The following GPR161 variants were observed in gnomAD, a reference collection of about 807,000 sequenced individuals.
GPR161 encodes the protein G protein-coupled receptor 161.
Under a neutral mutation model 39.2 loss-of-function variants are expected in GPR161, and 25 were observed. The ratio of observed to expected loss-of-function variants is 0.64; its 90% CI spans 0.47 to 0.89. The LOEUF is 0.89. Among genes scored for constraint, GPR161 ranks in the 40% least tolerant of loss-of-function variants. The pLI is 0.00. For synonymous variants in GPR161, 286 were observed against 276.6 expected, an observed-to-expected ratio of 1.03 and a Z score of -0.34; for missense variants, 547 against 677.8, an observed-to-expected ratio of 0.81 and a Z score of 2.14.
intron 2 of GPR161, among the ~76,000 whole-genome samples, chr1:168,101,108 CTT>C (rs35663930): frequency 3.5e-3 from 499 of 143,282 alleles, no homozygotes; most frequent in African/African-American, 0.011. Flanking sequence ...CAGCCAGTTT[CTT>C]TTTTTTTTTT....
chr1:168,137,071 C>G, upstream of GPR161: 1 of 1,011,804 alleles, frequency 9.9e-7, no homozygotes, highest in Non-Finnish European at 1.2e-6. Context: ...ACCCGCGCCC[C>G]TTCCTTCGCG....
intron 3 of GPR161, among the ~76,000 whole-genome samples, chr1:168,095,333 A>G (rs1028976266): frequency 8.5e-5 from 13 of 152,384 alleles, no homozygotes; most frequent in Non-Finnish European, 1.2e-4. Flanking sequence ...ATCAAGTTGT[A>G]GTTAATGGCA....
At chr1:168,136,348 GC>G (rs1221678799) in intron 1 of GPR161, 1 of 1,475,008 alleles carries the variant, frequency 6.8e-7, no homozygotes, top group Non-Finnish European at 9.0e-7. Flanking sequence ...GCCCCAGGGG[GC>G]GCGGCCCGCA....
chr1:168,103,888 G>A (rs1022428672), intron 2 of GPR161, among the ~76,000 whole-genome samples: 2 of 152,222 alleles, frequency 1.3e-5, no homozygotes, highest in Non-Finnish European at 2.9e-5. Context: ...TGAAGAACCC[G>A]CGAGATGCTG....
At chr1:168,133,946 GT>G in intron 1 of GPR161, 1 of 886,382 alleles carries the variant, frequency 1.1e-6, no homozygotes, top group Non-Finnish European at 1.4e-6. Flanking sequence ...ATTTACAGTG[GT>G]TATCTCAAAG....
chr1:168,114,233 G>A (rs1430217877), intron 1 of GPR161, among the ~76,000 whole-genome samples: 2 of 152,100 alleles, frequency 1.3e-5, no homozygotes, highest in Admixed American at 1.3e-4. Context: ...ATTTCTCCCT[G>A]ATCATATTGC....
chr1:168,103,427 G>GA (rs373919071), intron 2 of GPR161, among the ~76,000 whole-genome samples: 8,815 of 117,222 alleles, frequency 0.075, 850 homozygotes, highest in African/African-American at 0.24. Flanking sequence ...ACTACTCAGG[G>GA]AAAAAAAAAA....
At chr1:168,102,865 C>G (rs1041210899) in intron 2 of GPR161, among the ~76,000 whole-genome samples, 3 of 149,748 alleles carry the variant, frequency 2.0e-5, no homozygotes, top group African/African-American at 7.3e-5. Context: ...GTTAAAACAA[C>G]AAGATCCCAT....
chr1:168,097,325 G>T (rs1438877794), intron 2 of GPR161, 93 bp from the exon 3 acceptor site: 3 of 1,357,310 alleles, frequency 2.2e-6, no homozygotes, highest in African/African-American at 2.9e-5. Context: ...GACTGGGTTG[G>T]ATGTTTCTAA....
chr1:168,133,940 A>G, intron 1 of GPR161: 1 of 924,642 alleles, frequency 1.1e-6, no homozygotes, highest in Non-Finnish European at 1.3e-6. Flanking sequence ...ACAGACATTT[A>G]CAGTGGTTAT....
At chr1:168,137,041 A>G (rs1188592838), upstream of GPR161, 14 of 138,514 alleles carry the variant, frequency 1.0e-4, no homozygotes, top group Non-Finnish European at 1.5e-4. Flanking sequence ...CGCCCCGCCC[A>G]GCTCCCGGCG....
intron 1 of GPR161, among the ~76,000 whole-genome samples, chr1:168,113,807 A>C (rs1270792594): frequency 1.3e-5 from 2 of 151,700 alleles, no homozygotes; most frequent in African/African-American, 4.9e-5. Flanking sequence ...GAGGAACAAC[A>C]GGCACTAAGG....
intron 3 of GPR161, among the ~76,000 whole-genome samples, chr1:168,092,274 TCTC>T (rs1289866239): frequency 2.0e-5 from 3 of 152,122 alleles, no homozygotes; most frequent in Non-Finnish European, 4.4e-5. Flanking sequence ...TGTGGGGGCA[TCTC>T]CTGCCAGCTG....
At chr1:168,089,933 A>G (rs958181857) in intron 4 of GPR161, among the ~76,000 whole-genome samples, 30 of 152,318 alleles carry the variant, frequency 2.0e-4, no homozygotes, top group Non-Finnish European at 3.7e-4. Context: ...AGGGCTCTGC[A>G]GGATTTGTGG....
rs58096092 is a variant in GPR161, at chr1:168,096,133, CAAAAAAAAA to C, written c.1099+366_1099+374del. Among the ~76,000 whole-genome samples the C allele has an allele frequency of 1.9e-3, 83 of 44,780 alleles. 1 individual carries two copies. The Middle Eastern group carries it at 0.05, about 27-fold the overall frequency. The allele number at this position is 44,780 out of a possible 152,430, so 29.4% of individuals were successfully genotyped here. On this transcript the variant is annotated intron_variant, in intron 3 of 5. Coordinates refer to ENST00000682931, the MANE Select transcript of GPR161 (RefSeq NM_001375883.1). Reference sequence around the variant, plus strand: ...TGGACAACAGAGCAAGACCCTGTCTCAAAAAAAAAAAAAAAAAAAAAAAAAAAGAGAGAG... The same window carrying C: ...TGGACAACAGAGCAAGACCCTGTCTCAAAAAAAAAAAAAAAAAAGAGAGAG...
At chr1:168,102,269 T>C (rs967149304) in intron 2 of GPR161, among the ~76,000 whole-genome samples, 4 of 152,184 alleles carry the variant, frequency 2.6e-5, no homozygotes, top group Admixed American at 2.0e-4. Context: ...CTACTTGCTG[T>C]TTAGGAACCT....
upstream of GPR161, chr1:168,137,449 C>T (rs762100045): frequency 4.0e-6 from 6 of 1,495,770 alleles, no homozygotes; most frequent in Non-Finnish European, 5.4e-6. Flanking sequence ...GGCTCTGTCC[C>T]GGGCTCTGTT....
intron 1 of GPR161, chr1:168,136,115 C>T (rs1699338004): frequency 2.4e-6 from 3 of 1,260,274 alleles, no homozygotes. Context: ...TTTCCAAGAA[C>T]CAGCCGAATC....
chr1:168,097,760 T>C (rs1695697592), intron 2 of GPR161, among the ~76,000 whole-genome samples: 1 of 152,154 alleles, frequency 6.6e-6, no homozygotes, highest in South Asian at 2.1e-4. Context: ...CTGAGCCAAG[T>C]ATCAGGGCCT....
Sources: allele counts gnomAD v4.1 joint callset (sites outside exome capture counted in the v4.1 genomes callset), GRCh38; gene constraint gnomAD v4.1.1; transcripts MANE v1.5; gene names NCBI Gene and HGNC (gene_info 2026-07-23, HGNC 2026-07-21).